The following GPC6 variants were observed in gnomAD, a reference collection of about 807,000 sequenced individuals.
GPC6 encodes glypican-6.
In GPC6, 14 loss-of-function variants were observed where a neutral mutation model predicts 55.2. That is an observed-to-expected ratio of 0.25 (90% confidence interval 0.17 to 0.40). The LOEUF (loss-of-function observed/expected upper bound fraction) is 0.40, where lower values mean the gene tolerates loss of function less well. GPC6 is among the 10% of genes least tolerant of loss of function. The pLI is 1.00. For missense variants in GPC6, 641 were observed against 708.5 expected (o/e 0.90, Z 1.08); for synonymous variants, 278 against 259.6 (o/e 1.07, Z -0.68).
At chr13:93,483,184 G>A (rs190287012) in intron 1 of GPC6, among the ~76,000 whole-genome samples, 141 of 152,246 alleles carry the variant, frequency 9.3e-4, no homozygotes, top group African/African-American at 3.2e-3. Flanking sequence ...GACATACGTA[G>A]TTTGATTTCT....
intron 4 of GPC6, among the ~76,000 whole-genome samples, chr13:94,240,597 GAT>G (rs1209634396): frequency 6.6e-6 from 1 of 151,610 alleles, no homozygotes; most frequent in African/African-American, 2.4e-5. Flanking sequence ...TCTTGGAGTA[GAT>G]ATTCCAGTGT....
At chr13:94,124,186 T>G (rs1316845545) in intron 4 of GPC6, among the ~76,000 whole-genome samples, 1 of 152,194 alleles carries the variant, frequency 6.6e-6, no homozygotes, top group Non-Finnish European at 1.5e-5. Flanking sequence ...AGGTATTCTT[T>G]AAGCACTTCA....
chr13:94,002,399 A>G (rs979977088), intron 3 of GPC6, among the ~76,000 whole-genome samples: 1 of 152,208 alleles, frequency 6.6e-6, no homozygotes, highest in African/African-American at 2.4e-5. Flanking sequence ...TTCTATGCCT[A>G]CTGATCATGC....
At chr13:93,360,624 G>A (rs991821306) in intron 1 of GPC6, among the ~76,000 whole-genome samples, 2 of 152,158 alleles carry the variant, frequency 1.3e-5, no homozygotes, top group Non-Finnish European at 2.9e-5. Flanking sequence ...AATCTTTTAA[G>A]TTTTCTATAA....
intron 2 of GPC6, among the ~76,000 whole-genome samples, chr13:93,750,618 G>A (rs994381115): frequency 1.3e-5 from 2 of 152,138 alleles, no homozygotes; most frequent in Non-Finnish European, 2.9e-5. Context: ...ACACACCCCA[G>A]TATAGCCCAC....
At chr13:93,620,571 G>A (rs78136233) in intron 2 of GPC6, among the ~76,000 whole-genome samples, 2,753 of 152,188 alleles carry the variant, frequency 0.018, 90 homozygotes, top group African/African-American at 0.063. Context: ...TATTTATACC[G>A]AAGATGTTTT....
intron 3 of GPC6, among the ~76,000 whole-genome samples, chr13:94,001,007 A>G (rs1881774289): frequency 6.6e-6 from 1 of 152,204 alleles, no homozygotes; most frequent in Admixed American, 6.6e-5. Flanking sequence ...CTGGGAAAAC[A>G]TGGGACAGAG....
At chr13:94,157,594 G>A (rs549079480) in intron 4 of GPC6, among the ~76,000 whole-genome samples, 15 of 152,242 alleles carry the variant, frequency 9.9e-5, no homozygotes, top group Non-Finnish European at 1.3e-4. Flanking sequence ...AAATAACTAC[G>A]GCTGGAAAAC....
intron 4 of GPC6, among the ~76,000 whole-genome samples, chr13:94,239,320 C>T (rs1466224328): frequency 6.6e-6 from 1 of 152,070 alleles, no homozygotes; most frequent in Non-Finnish European, 1.5e-5. Context: ...CTAGACAACC[C>T]ACAGTGTGTC....
chr13:94,166,972 A>C (rs575607543), intron 4 of GPC6, among the ~76,000 whole-genome samples: 67 of 152,328 alleles, frequency 4.4e-4, no homozygotes, highest in African/African-American at 1.5e-3. Flanking sequence ...GCATGGACTT[A>C]ATAGAATAAT....
chr13:93,844,669 T>C (rs1888103457), intron 3 of GPC6, among the ~76,000 whole-genome samples: 1 of 148,386 alleles, frequency 6.7e-6, no homozygotes, highest in African/African-American at 2.5e-5. Flanking sequence ...TTTGTCAATT[T>C]TGGCTTTTGT....
chr13:94,254,507 T>C (rs1296619048), intron 4 of GPC6, among the ~76,000 whole-genome samples: 3 of 152,086 alleles, frequency 2.0e-5, no homozygotes, highest in African/African-American at 7.2e-5. Flanking sequence ...GCACCTTATC[T>C]GTGCTACAAA....
At chr13:93,691,486 T>A (rs1449124116) in intron 2 of GPC6, among the ~76,000 whole-genome samples, 4 of 151,664 alleles carry the variant, frequency 2.6e-5, no homozygotes, top group Non-Finnish European at 4.4e-5. Flanking sequence ...ATGGTTTTTT[T>A]TTTTCTCTTA....
chr13:94,202,132 A>G (rs1889772100), intron 4 of GPC6, among the ~76,000 whole-genome samples: 1 of 152,212 alleles, frequency 6.6e-6, no homozygotes, highest in Non-Finnish European at 1.5e-5. Context: ...CAAATGGATC[A>G]TAAATTCCTG....
chr13:93,903,855 T>A (rs998461441), intron 3 of GPC6, among the ~76,000 whole-genome samples: 1 of 152,124 alleles, frequency 6.6e-6, no homozygotes, highest in Admixed American at 6.5e-5. Flanking sequence ...TCTGTGACCC[T>A]TTATGTGATC....
chr13:93,554,601 A>G (rs1003639933), intron 2 of GPC6, among the ~76,000 whole-genome samples: 1 of 152,226 alleles, frequency 6.6e-6, no homozygotes, highest in Non-Finnish European at 1.5e-5. Flanking sequence ...TGCATTACAA[A>G]TAACATTTCC....
In GPC6 at chr13:93,579,959, C is replaced by T. The variant is rs139012634; in HGVS notation, c.319+34538C>T. Among the ~76,000 whole-genome samples the T allele has an allele frequency of 5.3e-3, 801 of 152,252 alleles. 1 individual carries two copies. Among genetic ancestry groups the T allele is most frequent in the Non-Finnish European group, 9.1e-3 (618 of 67,994 alleles). ...AAAAGTGCCCATTTTCTTAGGCTATCAAAATATTGTAGAAAATTCAGAAGT... is the reference window on the plus strand; with the variant it reads ...AAAAGTGCCCATTTTCTTAGGCTATTAAAATATTGTAGAAAATTCAGAAGT... On this transcript the variant is annotated intron_variant, in intron 2 of 8. Coordinates refer to ENST00000377047, the MANE Select transcript of GPC6 (RefSeq NM_005708.5).
intron 4 of GPC6, among the ~76,000 whole-genome samples, chr13:94,170,005 T>G (rs1268954001): frequency 6.6e-6 from 1 of 152,184 alleles, no homozygotes; most frequent in East Asian, 1.9e-4. Flanking sequence ...CAGTTTCAAC[T>G]TATTTTGTGG....
chr13:94,042,674 A>T (rs751405284), intron 4 of GPC6, among the ~76,000 whole-genome samples: 7 of 151,814 alleles, frequency 4.6e-5, no homozygotes, highest in African/African-American at 7.3e-5. Flanking sequence ...CTGTAGAGTT[A>T]CTGTATTTTA....
Sources: gnomAD v4.1 joint callset for allele counts (sites outside exome capture counted in the v4.1 genomes callset) on GRCh38, gnomAD v4.1.1 for gene constraint, MANE v1.5 for transcripts, NCBI Gene and HGNC (gene_info 2026-07-23, HGNC 2026-07-21) for gene names.